The following BCAR3 variants were observed in gnomAD, a reference collection of about 807,000 sequenced individuals.
BCAR3 encodes BCAR3 adaptor protein, NSP family member.
A neutral mutation model predicts 80.1 loss-of-function variants in BCAR3; 37 were observed. The ratio of observed to expected loss-of-function variants is 0.46; its 90% confidence interval spans 0.36 to 0.61. BCAR3 has a LOEUF of 0.61. Ranked by LOEUF, BCAR3 falls within the 20% of genes least tolerant of loss-of-function variation. The pLI is 0.00. For missense variants in BCAR3, 978 were observed against 1,068.2 expected (o/e 0.92, Z 1.18); for synonymous variants, 389 against 418.9 (o/e 0.93, Z 0.87).
chr1:93,689,489 C>T (rs1291680821), intron 3 of BCAR3, among the ~76,000 whole-genome samples: 3 of 150,470 alleles, frequency 2.0e-5, no homozygotes, highest in African/African-American at 7.4e-5. Flanking sequence ...CGAGATCGCA[C>T]CATTGCACTC....
chr1:93,614,048 G>C (rs1268314285), intron 3 of BCAR3: 1 of 1,455,786 alleles, frequency 6.9e-7, no homozygotes. Context: ...CAGAAGTCAG[G>C]GAAGTCGGCA....
intron 2 of BCAR3, among the ~76,000 whole-genome samples, chr1:93,767,523 C>CAA (rs58484557): frequency 4.3e-5 from 4 of 93,968 alleles, no homozygotes; most frequent in Non-Finnish European, 4.8e-5. Flanking sequence ...GACTCTGTCT[C>CAA]AAAAAAAAAA....
chr1:93,584,381 C>G (rs1398395828), intron 5 of BCAR3, among the ~76,000 whole-genome samples: 1 of 152,308 alleles, frequency 6.6e-6, no homozygotes, highest in East Asian at 1.9e-4. Context: ...GATGCCTCCT[C>G]TGGGCTGTTC....
chr1:93,638,205 C>G (rs1010305337), intron 3 of BCAR3, among the ~76,000 whole-genome samples: 19 of 152,242 alleles, frequency 1.2e-4, no homozygotes, highest in African/African-American at 4.6e-4. Flanking sequence ...GCCAAGATTG[C>G]GCCACTGTAC....
intron 3 of BCAR3, among the ~76,000 whole-genome samples, chr1:93,608,789 A>C (rs912037710): frequency 6.6e-6 from 1 of 152,220 alleles, no homozygotes; most frequent in African/African-American, 2.4e-5. Flanking sequence ...TCTTTCAAAA[A>C]GCTACACTGT....
At chr1:93,685,619 T>G (rs1030477139), upstream of BCAR3, among the ~76,000 whole-genome samples, 3 of 152,322 alleles carry the variant, frequency 2.0e-5, no homozygotes, top group East Asian at 5.8e-4. Context: ...AAATAAAATG[T>G]GCAAGTATTC....
chr1:93,836,296 C>A (rs1314416634), intron 2 of BCAR3, among the ~76,000 whole-genome samples: 1 of 152,170 alleles, frequency 6.6e-6, no homozygotes, highest in Non-Finnish European at 1.5e-5. Context: ...GCCAACCAAA[C>A]AAGTAATTAT....
chr1:93,786,098 C>T (rs1652929529), intron 2 of BCAR3, among the ~76,000 whole-genome samples: 1 of 126,336 alleles, frequency 7.9e-6, no homozygotes, highest in Admixed American at 9.0e-5. Flanking sequence ...GAGGCTGAGG[C>T]AGGAGAATGG....
chr1:93,573,635 T>TATTA (rs201796274), intron 8 of BCAR3, among the ~76,000 whole-genome samples: 1 of 119,898 alleles, frequency 8.3e-6, no homozygotes, highest in African/African-American at 3.2e-5. Flanking sequence ...TTATTATTAT[T>TATTA]TTTTTTTTTT....
intron 1 of BCAR3, among the ~76,000 whole-genome samples, chr1:93,680,265 AT>A (rs1458061851): frequency 6.6e-6 from 1 of 152,164 alleles, no homozygotes; most frequent in Non-Finnish European, 1.5e-5. Context: ...TGAACAGGAG[AT>A]TTAGACCTTG....
chr1:93,714,708 T>C (rs1650139689), intron 2 of BCAR3, among the ~76,000 whole-genome samples: 1 of 152,172 alleles, frequency 6.6e-6, no homozygotes, highest in Admixed American at 6.5e-5. Flanking sequence ...GCCTTTCTTT[T>C]TTTTTTTTCA....
intron 2 of BCAR3, among the ~76,000 whole-genome samples, chr1:93,655,753 A>G (rs1207673844): frequency 2.0e-5 from 3 of 152,222 alleles, no homozygotes; most frequent in Non-Finnish European, 4.4e-5. Flanking sequence ...CTGGTAAATC[A>G]GCTCTTTTAG....
chr1:93,759,950 T>C (rs982908180), intron 2 of BCAR3, among the ~76,000 whole-genome samples: 1 of 152,166 alleles, frequency 6.6e-6, no homozygotes, highest in South Asian at 2.1e-4. Context: ...TCTCCATTCC[T>C]TGGGCCACAG....
At chr1:93,822,175 GT>G (rs951879819) in intron 2 of BCAR3, among the ~76,000 whole-genome samples, 12 of 145,624 alleles carry the variant, frequency 8.2e-5, no homozygotes, top group South Asian at 2.2e-4. Flanking sequence ...TCTTTGTGAT[GT>G]TTTTTTTTTC....
At chr1:93,735,370 C>T (rs1650939291) in intron 2 of BCAR3, among the ~76,000 whole-genome samples, 4 of 152,240 alleles carry the variant, frequency 2.6e-5, no homozygotes, top group Admixed American at 2.6e-4. Flanking sequence ...TCCCACTCCT[C>T]ACATGGACTC....
In BCAR3 at chr1:93,592,252, C is replaced by A; in HGVS notation, c.486+13G>T. ...GCAGCCGTGTATGCTCTGGAAGGGA[C>A]AAGACCAGGTACCTGTCGGGGGATG... On this transcript the variant is annotated intron_variant, in intron 4 of 11. Coordinates refer to ENST00000260502, the MANE Select transcript of BCAR3 (RefSeq NM_003567.4). The surrounding 1 kb of genome is among the most constrained non-coding windows in gnomAD (Gnocchi z 4.8). 1 of 1,613,480 alleles carries A rather than the reference C, an allele frequency of 6.2e-7. No homozygotes were observed. Among genetic ancestry groups the A allele is most frequent in the African/African-American group, 1.3e-5 (1 of 75,054 alleles).
intron 2 of BCAR3, among the ~76,000 whole-genome samples, chr1:93,743,026 T>C (rs1256559118): frequency 6.6e-6 from 1 of 152,212 alleles, no homozygotes; most frequent in African/African-American, 2.4e-5. Flanking sequence ...AAAAATGCAA[T>C]CTATTTTATT....
intron 2 of BCAR3, among the ~76,000 whole-genome samples, chr1:93,722,913 G>C (rs977054202): frequency 2.6e-5 from 4 of 152,026 alleles, no homozygotes; most frequent in Admixed American, 6.5e-5. Context: ...AACCCAGAAA[G>C]AGGAAAAAAG....
At chr1:93,739,733 G>C (rs571158155) in intron 2 of BCAR3, among the ~76,000 whole-genome samples, 1 of 152,126 alleles carries the variant, frequency 6.6e-6, no homozygotes, top group Non-Finnish European at 1.5e-5. Context: ...AATGAGTACA[G>C]TACATGGAAG....
Sources: gnomAD v4.1 joint callset for allele counts (sites outside exome capture counted in the v4.1 genomes callset) on GRCh38, gnomAD v4.1.1 for gene constraint, Gnocchi (gnomAD v3.1) non-coding constraint, MANE v1.5 for transcripts, NCBI Gene and HGNC (gene_info 2026-07-23, HGNC 2026-07-21) for gene names.